FIGN: variants seen among roughly 807,000 people sequenced by gnomAD.
FIGN encodes the protein fidgetin, microtubule severing factor.
A neutral mutation model predicts 51.3 loss-of-function variants in FIGN; 11 were observed. The ratio of observed to expected loss-of-function variants is 0.21; its 90% CI spans 0.13 to 0.35. The LOEUF (loss-of-function observed/expected upper bound fraction) is 0.35. FIGN is among the 10% of genes least tolerant of loss of function. The pLI is 1.00. For synonymous variants in FIGN, 407 were observed against 363.2 expected (o/e 1.12, Z -1.37); for missense variants, 857 against 943.6 (o/e 0.91, Z 1.20).
At chr2:163,625,348 AT>A (rs975091343) in intron 2 of FIGN, among the ~76,000 whole-genome samples, 5 of 152,076 alleles carry the variant, frequency 3.3e-5, no homozygotes, top group Non-Finnish European at 5.9e-5. Flanking sequence ...AGAAATGTCA[AT>A]TTTTCATAAT....
intron 2 of FIGN, among the ~76,000 whole-genome samples, chr2:163,708,851 A>C (rs1448613896): frequency 6.6e-6 from 1 of 152,190 alleles, no homozygotes; most frequent in East Asian, 1.9e-4. Context: ...ACCCCAAGTA[A>C]GGAAGTTAAA....
In FIGN at chr2:163,729,512, C is replaced by T. The variant is rs565410007; in HGVS notation, c.25+5391G>A. 1.1e-4 allele frequency among the ~76,000 whole-genome samples: 16 copies of T among 152,192 alleles called. No individual in the cohort carries two copies. In the South Asian group the frequency reaches 2.7e-3, roughly 26 times the overall value. The stretch of plus-strand genomic sequence containing the variant: ...AATAACTGTTTGGTTAAAAGCTCCT[C>T]TTCCTATGAAAATGAGAACAGAAAC... On this transcript the variant is annotated intron_variant, in intron 2 of 2. Transcript: ENST00000333129.
rs188950867 is a variant in FIGN at position 163,644,198 on chromosome 2, T to C, written c.26-32392A>G. 1.9e-3 allele frequency among the ~76,000 whole-genome samples: 296 copies of C among 152,252 alleles called. 5 individuals are homozygous for C. Among genetic ancestry groups the C allele is most frequent in the African/African-American group, 5.5e-3 (228 of 41,552 alleles). ...AATCATATATCTGATTAAGGACTTG[T>C]ATTTAGAATATATAAAGATTACTTA... On this transcript the variant is annotated intron_variant, in intron 2 of 2. Transcript: ENST00000333129.
At chr2:163,659,341 T>C (rs1241534550) in intron 2 of FIGN, among the ~76,000 whole-genome samples, 1 of 152,094 alleles carries the variant, frequency 6.6e-6, no homozygotes, top group Non-Finnish European at 1.5e-5. Context: ...TGAGCTAATA[T>C]ATTCCTCTCA....
At chr2:163,660,882 T>A (rs1456887672) in intron 2 of FIGN, among the ~76,000 whole-genome samples, 87 of 8,458 alleles carry the variant, frequency 0.01, 9 homozygotes, top group Admixed American at 0.038. Context: ...TATATATATT[T>A]TTTTTTTTTT....
At chr2:163,680,197 A>C (rs1023149102) in intron 2 of FIGN, among the ~76,000 whole-genome samples, 25 of 152,236 alleles carry the variant, frequency 1.6e-4, no homozygotes, top group Non-Finnish European at 3.1e-4. Flanking sequence ...GGGTGTACAC[A>C]TTAAAATTAA....
intron 2 of FIGN, among the ~76,000 whole-genome samples, chr2:163,724,125 A>G (rs758671728): frequency 6.6e-6 from 1 of 152,278 alleles, no homozygotes; most frequent in Non-Finnish European, 1.5e-5. Flanking sequence ...AAAGTAAACT[A>G]AAAACTAAGG....
intron 2 of FIGN, among the ~76,000 whole-genome samples, chr2:163,613,212 T>C (rs1022024026): frequency 6.6e-6 from 1 of 151,992 alleles, no homozygotes; most frequent in African/African-American, 2.4e-5. Flanking sequence ...CTCAGTCTAA[T>C]CTCTGCTTGG....
intron 2 of FIGN, chr2:163,617,365 G>C (rs1682895312): frequency 3.0e-6 from 1 of 334,650 alleles, no homozygotes; most frequent in Non-Finnish European, 4.3e-6. Flanking sequence ...AAGCATTGTG[G>C]TTCAATGCTA....
At chr2:163,658,364 GCTCTCTCTCTCTCT>G (rs55894952) in intron 2 of FIGN, among the ~76,000 whole-genome samples, 9,317 of 137,208 alleles carry the variant, frequency 0.068, 317 homozygotes, top group South Asian at 0.089. Context: ...TTAAGAAACA[GCTCTCTCTCTCTCT>G]CTCTCTCTCT....
intron 2 of FIGN, among the ~76,000 whole-genome samples, chr2:163,616,357 A>G (rs752887410): frequency 1.3e-5 from 2 of 152,196 alleles, no homozygotes; most frequent in African/African-American, 2.4e-5. Flanking sequence ...GTCTTCTAGA[A>G]TCTGTTTTTA....
rs996897332 is a variant in FIGN at position 163,610,816 on chromosome 2, C to T, written c.1016G>A (p.Gly339Asp). Residue 339 changes from glycine to aspartate, a missense_variant, in exon 3 of 3, where the codon GGC (glycine) becomes GAC (aspartate). Gly to Asp is a moderately conservative substitution (Grantham distance 94). Transcript: ENST00000333129. ...AGGACTCTGTGTAGATCTCTGTTGG[C>T]CATAGCTGTAATTTCCATAACTGGA... ...MDSSYGNYSY[G>D]QQRSTQSPMY... 2.1e-6 allele frequency: 3 copies of T among 1,423,138 alleles called. No individual in the cohort carries two copies. The highest frequency in any genetic ancestry group is 2.8e-6 in the Non-Finnish European group (3 of 1,077,444). 88.2% of individuals were successfully genotyped at this position (1,423,138 alleles called of 1,614,324 possible).
intron 2 of FIGN, among the ~76,000 whole-genome samples, chr2:163,673,852 G>T (rs975003594): frequency 6.6e-6 from 1 of 152,028 alleles, no homozygotes; most frequent in South Asian, 2.1e-4. Context: ...TAAAAATAAA[G>T]ACTTAAAGGT....
chr2:163,621,201 C>T (rs375824245), intron 2 of FIGN, among the ~76,000 whole-genome samples: 1 of 152,124 alleles, frequency 6.6e-6, no homozygotes, highest in Admixed American at 6.6e-5. Context: ...TTCAACCATT[C>T]TCCTTAAAAA....
rs1252304894 is a variant in FIGN at position 163,676,469 on chromosome 2, ATATATATATATATAAC to A, written c.25+58418_25+58433del. On this transcript the variant is annotated intron_variant, in intron 2 of 2. Coordinates refer to ENST00000333129, the MANE Select transcript of FIGN (RefSeq NM_018086.4). Reference sequence around the variant, plus strand: ...TATATATATATATATATATATATATATATATATATATATAACTAGAGTCTGTGCACCCGAATCTGAG... The same window carrying A: ...TATATATATATATATATATATATATATAGAGTCTGTGCACCCGAATCTGAG... Among the ~76,000 whole-genome samples the A allele has an allele frequency of 2.8e-4, 30 of 107,156 alleles. 1 individual carries two copies. The South Asian group carries it at 3.4e-3, about 12-fold the overall frequency. The allele number at this position is 107,156 out of a possible 152,430, so 70.3% of individuals were successfully genotyped here.
In FIGN at chr2:163,609,749, G is replaced by A; in HGVS notation, c.2083C>T (p.His695Tyr). 2 of 1,614,110 alleles carry A rather than the reference G, an allele frequency of 1.2e-6. No homozygotes were observed. The highest frequency in any genetic ancestry group is 1.7e-6 in the Non-Finnish European group (2 of 1,180,006). Reference sequence around the variant, plus strand: ...CCCACCACTGCTTCCTGACACAAATGAGCCACATCTAGTCCAGAAAAGCCT... The same window carrying A: ...CCCACCACTGCTTCCTGACACAAATAAGCCACATCTAGTCCAGAAAAGCCT... Reference protein sequence around the residue: ...TEGFSGLDVAHLCQEAVVGPL... With the variant: ...TEGFSGLDVAYLCQEAVVGPL... The change falls in exon 3 of 3, where the codon CAT becomes TAT. Residue 695 changes from histidine (H) to tyrosine (Y), a missense_variant. By Grantham distance (83) the His-to-Tyr change is moderately conservative. Coordinates refer to ENST00000333129, the MANE Select transcript of FIGN (RefSeq NM_018086.4).
At chr2:163,668,292 C>T (rs1482610569) in intron 2 of FIGN, among the ~76,000 whole-genome samples, 1 of 151,958 alleles carries the variant, frequency 6.6e-6, no homozygotes, top group East Asian at 1.9e-4. Context: ...CCCTGGGAGC[C>T]CCTATAACAT....
At position 163,609,133 on chromosome 2, in the gene FIGN, G is replaced by T; in HGVS notation, c.*419C>A. The T allele has an allele frequency of 5.9e-6, 1 of 168,326 alleles. No individual in the cohort carries two copies. Among genetic ancestry groups the T allele is most frequent in the Non-Finnish European group, 1.3e-5 (1 of 77,768 alleles). 10.4% of individuals were successfully genotyped at this position (168,326 alleles called of 1,614,324 possible). On this transcript the variant is annotated 3_prime_UTR_variant, in exon 3 of 3. Transcript: ENST00000333129. ...TAGTCCAATAATGTTTGAAGTTAAA[G>T]CTCTTTATATTAGCACATGCCACCA...
intron 2 of FIGN, among the ~76,000 whole-genome samples, chr2:163,697,898 A>T (rs140423901): frequency 2.7e-4 from 41 of 152,306 alleles, no homozygotes; most frequent in African/African-American, 9.4e-4. Flanking sequence ...ATTTTTCCTT[A>T]TCCCTCCCTC....
Sources: allele counts gnomAD v4.1 joint callset (sites outside exome capture counted in the v4.1 genomes callset), GRCh38; gene constraint gnomAD v4.1.1; transcripts MANE v1.5; gene names NCBI Gene and HGNC (gene_info 2026-07-23, HGNC 2026-07-21).